LBR: variants seen among roughly 807,000 people sequenced by gnomAD.
The protein encoded by LBR is delta(14)-sterol reductase LBR.
In LBR, 28 loss-of-function variants were observed where a neutral mutation model predicts 74.3. The observed-to-expected ratio is 0.38, with a 90% CI of 0.28 to 0.52. The LOEUF is 0.52. Ranked by LOEUF, LBR falls within the 20% of genes least tolerant of loss-of-function variation. The probability of loss-of-function intolerance (pLI) is 0.89; values close to 1 mark genes in which losing one functional copy is unlikely to be tolerated. For missense variants in LBR, 717 were observed against 760.3 expected (o/e 0.94, Z 0.67); for synonymous variants, 228 against 269.3 (o/e 0.85, Z 1.50).
chr1:225,413,981 A>G, intron 7 of LBR: 1 of 456,806 alleles, frequency 2.2e-6, no homozygotes, highest in Non-Finnish European at 4.4e-6. Flanking sequence ...AGAGAAACAC[A>G]CAAAACACTG....
intron 2 of LBR, among the ~76,000 whole-genome samples, chr1:225,423,327 A>G (rs1575231374): frequency 6.6e-6 from 1 of 152,046 alleles, no homozygotes; most frequent in East Asian, 1.9e-4. Flanking sequence ...CCTGGGCTAG[A>G]CTCGAATCTA....
rs2096084035 is a variant in LBR at position 225,402,863 on chromosome 1, A to T, written c.*440T>A. ...ATTAGTAAAGGATTTAAAGAAAAACAAATGAAAATTCTATTCTCTTACTGA... is the reference window on the plus strand; with the variant it reads ...ATTAGTAAAGGATTTAAAGAAAAACTAATGAAAATTCTATTCTCTTACTGA... On this transcript the variant is annotated 3_prime_UTR_variant, in exon 14 of 14. Transcript: ENST00000272163. 1 of 162,776 alleles carries T rather than the reference A, an allele frequency of 6.1e-6. No individual in the cohort carries two copies. The highest frequency in any genetic ancestry group is 6.1e-5 in the Admixed American group (1 of 16,516). The allele number at this position is 162,776 out of a possible 1,614,324, so 10.1% of individuals were successfully genotyped here.
intron 6 of LBR, among the ~76,000 whole-genome samples, chr1:225,415,693 T>C (rs2096115868): frequency 6.6e-6 from 1 of 152,162 alleles, no homozygotes. Flanking sequence ...CATCTACCAA[T>C]GGCTACCATA....
chr1:225,416,350 T>C (rs1240929534), intron 6 of LBR, among the ~76,000 whole-genome samples: 1 of 152,158 alleles, frequency 6.6e-6, no homozygotes, highest in African/African-American at 2.4e-5. Context: ...CAGTAAAAAG[T>C]CCACTTGCTC....
chr1:225,415,295 A>C lies in LBR; in HGVS notation c.875T>G (p.Leu292Arg). The C allele has an allele frequency of 5.0e-6, 8 of 1,594,120 alleles. No individual in the cohort carries two copies. The highest frequency in any genetic ancestry group is 6.9e-6 in the Non-Finnish European group (8 of 1,164,802). The stretch of plus-strand genomic sequence containing the variant: ...AAAATCACCATTTAATCTATACTTG[A>C]GTCTTCTTCCATCAATAAGAGGCGT... ...EGTPLIDGRR[L>R]KYRLNGFYAF... The change falls in exon 7 of 14, where the codon CTC becomes CGC. Residue 292 changes from leucine (L) to arginine (R), a missense_variant. Transcript: ENST00000272163.
intron 13 of LBR, 21 bp from the exon 14 acceptor site, chr1:225,403,484 C>T (rs1284840856): frequency 8.3e-6 from 13 of 1,557,066 alleles, no homozygotes; most frequent in Admixed American, 3.3e-5. Flanking sequence ...TAATAGTACA[C>T]AGTATTAGAT....
Position 225,411,620 on chromosome 1 carries a change from C to T in LBR, c.1085-180G>A, listed in dbSNP as rs566845772. Among the ~76,000 whole-genome samples the T allele has an allele frequency of 8.5e-5, 13 of 152,292 alleles. No homozygotes were observed. The South Asian group carries it at 1.2e-3, about 15-fold the overall frequency. ...CGAGCGGAACCAGGAGATGCCTGCCCGACTGAAAAGGCAGTTGCTCCAGCC... is the reference window on the plus strand; with the variant it reads ...CGAGCGGAACCAGGAGATGCCTGCCTGACTGAAAAGGCAGTTGCTCCAGCC... On this transcript the variant is annotated intron_variant, in intron 8 of 13. Coordinates refer to ENST00000272163, the MANE Select transcript of LBR (RefSeq NM_002296.4).
intron 10 of LBR, among the ~76,000 whole-genome samples, chr1:225,409,452 C>T (rs1342441389): frequency 6.6e-6 from 1 of 152,066 alleles, no homozygotes; most frequent in Non-Finnish European, 1.5e-5. Context: ...TATTGATGAC[C>T]AAATAATATA....
chr1:225,423,385 C>G (rs1437535035), intron 2 of LBR, among the ~76,000 whole-genome samples: 1 of 152,108 alleles, frequency 6.6e-6, no homozygotes, highest in Non-Finnish European at 1.5e-5. Flanking sequence ...GGATGAAGCC[C>G]AAACCCTTGG....
At chr1:225,424,702 T>C (rs1277676070) in intron 1 of LBR, among the ~76,000 whole-genome samples, 2 of 152,096 alleles carry the variant, frequency 1.3e-5, no homozygotes, top group Non-Finnish European at 2.9e-5. Context: ...TCATCCAAGC[T>C]CACTTCTCTC....
chr1:225,417,902 G>A, intron 6 of LBR, 82 bp downstream of exon 6: 2 of 1,285,062 alleles, frequency 1.6e-6, no homozygotes, highest in South Asian at 2.5e-5. Context: ...AGGATCACTT[G>A]ATCCCAGAAA....
intron 5 of LBR, 114 bp downstream of exon 5, chr1:225,419,149 G>A: frequency 1.0e-6 from 1 of 986,046 alleles, no homozygotes; most frequent in Admixed American, 1.8e-5. Flanking sequence ...TTCCCACCAG[G>A]CTCATTACCT....
In LBR at chr1:225,403,283, G is replaced by A. The variant is rs1381298291; in HGVS notation, c.*20C>T. The A allele has an allele frequency of 2.5e-6, 4 of 1,611,674 alleles. No homozygotes were observed. Among genetic ancestry groups the A allele is most frequent in the Non-Finnish European group, 3.4e-6 (4 of 1,177,914 alleles). ...GCAGCTGGAATTGCAGGAGTATTTT[G>A]TAGAAAAGCCAGAAGAGCATTAGTA... On this transcript the variant is annotated 3_prime_UTR_variant, in exon 14 of 14. Transcript: ENST00000272163.
rs191275000 is a variant in LBR at position 225,417,109 on chromosome 1, A to G, written c.837+875T>C. 9.2e-5 allele frequency among the ~76,000 whole-genome samples: 14 copies of G among 152,284 alleles called. No individual in the cohort carries two copies. The East Asian group carries it at 2.3e-3, about 25-fold the overall frequency. Reference sequence around the variant, plus strand: ...TCTGAAATCACCTTACCCTAAATGAATCTGAATTTAACTGTAGAGGCTTAC... The same window carrying G: ...TCTGAAATCACCTTACCCTAAATGAGTCTGAATTTAACTGTAGAGGCTTAC... On this transcript the variant is annotated intron_variant, in intron 6 of 13. Transcript: ENST00000272163.
intron 7 of LBR, 65 bp from the exon 8 acceptor site, chr1:225,412,710 C>G (rs548350702): frequency 7.2e-7 from 1 of 1,383,020 alleles, no homozygotes; most frequent in Non-Finnish European, 1.0e-6. Context: ...ATGAAACTTA[C>G]GCCACTATGA....
At position 225,404,613 on chromosome 1, in the gene LBR, A is replaced by G; in HGVS notation, c.1564+13T>C. 6.3e-7 allele frequency: 1 copy of G among 1,598,514 alleles called. No individual in the cohort carries two copies. The highest frequency in any genetic ancestry group is 8.6e-7 in the Non-Finnish European group (1 of 1,167,872). The stretch of plus-strand genomic sequence containing the variant: ...ATGTAATATATATAATATAAACATA[A>G]ATCAATACTTACGTGCAAGCTTTGG... On this transcript the variant is annotated intron_variant, in intron 12 of 13. Coordinates refer to ENST00000272163, the MANE Select transcript of LBR (RefSeq NM_002296.4).
rs2096084680 is a variant in LBR, at chr1:225,403,255, A to G, written c.*48T>C. The G allele has an allele frequency of 6.3e-7, 1 of 1,583,378 alleles. No homozygotes were observed. Among genetic ancestry groups the G allele is most frequent in the Admixed American group, 1.7e-5 (1 of 59,956 alleles). ...CGGATTTTTTTCCTTGTTTTTGCAAATGGCAGCTGGAATTGCAGGAGTATT... is the reference window on the plus strand; with the variant it reads ...CGGATTTTTTTCCTTGTTTTTGCAAGTGGCAGCTGGAATTGCAGGAGTATT... On this transcript the variant is annotated 3_prime_UTR_variant, in exon 14 of 14. Coordinates refer to ENST00000272163, the MANE Select transcript of LBR (RefSeq NM_002296.4).
rs12088235 is a variant in LBR, at chr1:225,414,352, T to C, written c.892+926A>G. On this transcript the variant is annotated intron_variant, in intron 7 of 13. Coordinates refer to ENST00000272163, the MANE Select transcript of LBR (RefSeq NM_002296.4). ...GTATCCAAAGTTAAAAAATGAAGAA[T>C]TGAAAGGATAAAAAGTTCAACCATT... The C allele has an allele frequency of 5.0e-3, 1,708 of 340,698 alleles. 29 individuals carry two copies. Among genetic ancestry groups the C allele is most frequent in the East Asian group, 0.043 (562 of 13,176 alleles). 21.1% of individuals were successfully genotyped at this position (340,698 alleles called of 1,614,324 possible).
At chr1:225,410,487 G>A in intron 9 of LBR, 71 bp from the exon 10 acceptor site, 6 of 1,542,606 alleles carry the variant, frequency 3.9e-6, no homozygotes, top group Non-Finnish European at 4.5e-6. Context: ...AAAGGCATGA[G>A]TGAGCTTCAC....
Sources: allele counts gnomAD v4.1 joint callset (sites outside exome capture counted in the v4.1 genomes callset), GRCh38; gene constraint gnomAD v4.1.1; transcripts MANE v1.5; gene names NCBI Gene and HGNC (gene_info 2026-07-23, HGNC 2026-07-21).